Variants in ARHGAP8 observed in about 807,000 individuals in gnomAD.
The protein encoded by ARHGAP8 is Rho GTPase activating protein 8.
Under a neutral mutation model 46.1 loss-of-function variants are expected in ARHGAP8, and 62 were observed. The ratio of observed to expected loss-of-function variants is 1.34; its 90% CI spans 1.10 to 1.66. The LOEUF (loss-of-function observed/expected upper bound fraction) is 1.66. Among genes scored for constraint, ARHGAP8 ranks in the 40% most tolerant of loss-of-function variants. ARHGAP8 has a pLI of 0.00. For synonymous variants in ARHGAP8, 375 were observed against 243.1 expected (o/e 1.54, Z -5.05); for missense variants, 923 against 568.4 (o/e 1.62, Z -6.34).
chr22:44,804,412 G>T (rs1031444796), intron 3 of ARHGAP8, among the ~76,000 whole-genome samples: 1 of 152,216 alleles, frequency 6.6e-6, no homozygotes, highest in African/African-American at 2.4e-5. Context: ...CAGGGGAGAA[G>T]CTCAGTCTTA....
At chr22:44,846,935 G>A (rs1253212571) in intron 8 of ARHGAP8, among the ~76,000 whole-genome samples, 1 of 152,202 alleles carries the variant, frequency 6.6e-6, no homozygotes, top group Non-Finnish European at 1.5e-5. Context: ...TGAGCTCTGA[G>A]GACGGGGAGA....
At chr22:44,859,574 C>T in intron 10 of ARHGAP8, 157 bp from the exon 11 acceptor site, 9 of 706,158 alleles carry the variant, frequency 1.3e-5, no homozygotes, top group Non-Finnish European at 1.7e-5. Context: ...CTGAGCAGAG[C>T]CATACGGCCA....
intron 10 of ARHGAP8, among the ~76,000 whole-genome samples, chr22:44,859,187 A>G (rs1263199993): frequency 6.6e-6 from 1 of 152,110 alleles, no homozygotes; most frequent in Non-Finnish European, 1.5e-5. Context: ...TCAGGTGATG[A>G]TAGGGCTTGG....
chr22:44,808,631 T>C (rs773827284), intron 4 of ARHGAP8, 193 bp downstream of exon 4: 4 of 1,069,218 alleles, frequency 3.7e-6, no homozygotes, highest in East Asian at 5.3e-5. Context: ...CGGGCAGGGG[T>C]TGGCACTCAT....
chr22:44,851,565 C>G (rs2070094859), intron 10 of ARHGAP8, among the ~76,000 whole-genome samples: 1 of 152,170 alleles, frequency 6.6e-6, no homozygotes, highest in Non-Finnish European at 1.5e-5. Flanking sequence ...TGGCTCATGC[C>G]TGTAATCCCA....
intron 4 of ARHGAP8, among the ~76,000 whole-genome samples, chr22:44,810,400 C>G (rs1361402216): frequency 6.6e-6 from 1 of 152,158 alleles, no homozygotes; most frequent in East Asian, 1.9e-4. Flanking sequence ...AGCCACCATG[C>G]CCGGCTAATT....
intron 1 of ARHGAP8, among the ~76,000 whole-genome samples, chr22:44,763,804 T>A (rs1245016100): frequency 9.0e-5 from 7 of 77,862 alleles, no homozygotes; most frequent in Admixed American, 1.4e-4. Context: ...TTTCTTTTCT[T>A]TTTTTTTTTT....
intron 2 of ARHGAP8, among the ~76,000 whole-genome samples, chr22:44,796,499 T>C (rs1928095562): frequency 6.6e-6 from 1 of 151,902 alleles, no homozygotes; most frequent in South Asian, 2.1e-4. Context: ...CTCTAAGACC[T>C]CCAGGAAGGG....
intron 3 of ARHGAP8, among the ~76,000 whole-genome samples, chr22:44,805,049 C>A (rs1374030286): frequency 6.6e-6 from 1 of 152,190 alleles, no homozygotes; most frequent in Admixed American, 6.5e-5. Flanking sequence ...GCCTGCAGCC[C>A]ACTCTTGGTG....
rs57906111 is a variant in ARHGAP8, at chr22:44,829,118, CAAAAAAAAA to C, written c.596+3543_596+3551del. ...TGAAACCCTATCTCTACTAAAAATA[CAAAAAAAAA>C]AAAAAAAAAAAAAAAAAGTTGGGCA... is the stretch of plus-strand genomic sequence containing the variant. On this transcript the variant is annotated intron_variant, in intron 7 of 11. Transcript: ENST00000356099. 2.6e-4 allele frequency among the ~76,000 whole-genome samples: 13 copies of C among 49,376 alleles called. No homozygotes were observed. The South Asian group carries it at 6.2e-3, about 24-fold the overall frequency. The allele number at this position is 49,376 out of a possible 152,430, so 32.4% of individuals were successfully genotyped here.
chr22:44,859,527 C>A (rs1302345536), intron 10 of ARHGAP8: 4 of 595,790 alleles, frequency 6.7e-6, no homozygotes, highest in African/African-American at 3.7e-5. Flanking sequence ...TTATAAATAA[C>A]CCCATCTCAG....
At chr22:44,760,778 C>T (rs1364243100) in intron 1 of ARHGAP8, among the ~76,000 whole-genome samples, 2 of 152,202 alleles carry the variant, frequency 1.3e-5, no homozygotes, top group Non-Finnish European at 2.9e-5. Flanking sequence ...CTTTGCATAA[C>T]ATCCACTCTG....
At chr22:44,834,102 T>A (rs1227940563) in intron 7 of ARHGAP8, among the ~76,000 whole-genome samples, 2 of 152,178 alleles carry the variant, frequency 1.3e-5, no homozygotes, top group Non-Finnish European at 2.9e-5. Context: ...GAGTCAACTT[T>A]TGGTTTTGAT....
intron 10 of ARHGAP8, among the ~76,000 whole-genome samples, chr22:44,851,920 G>C (rs1434683811): frequency 2.0e-5 from 3 of 152,086 alleles, no homozygotes; most frequent in African/African-American, 7.2e-5. Flanking sequence ...GCCGGGTGCA[G>C]TGGCTCACTC....
At chr22:44,781,989 C>A (rs1046015943) in intron 1 of ARHGAP8, among the ~76,000 whole-genome samples, 1 of 152,110 alleles carries the variant, frequency 6.6e-6, no homozygotes, top group African/African-American at 2.4e-5. Context: ...CATGCACCAC[C>A]GTGTCTAGCC....
At chr22:44,808,064 G>A (rs983403788) in intron 3 of ARHGAP8, among the ~76,000 whole-genome samples, 2 of 152,138 alleles carry the variant, frequency 1.3e-5, no homozygotes, top group African/African-American at 2.4e-5. Context: ...GTCTTTCCAC[G>A]GGCAACAATC....
chr22:44,775,497 G>T (rs1316152966), intron 1 of ARHGAP8, among the ~76,000 whole-genome samples: 1 of 151,900 alleles, frequency 6.6e-6, no homozygotes, highest in Non-Finnish European at 1.5e-5. Flanking sequence ...GCCCAGGCTG[G>T]AGTGCAATGG....
intron 2 of ARHGAP8, among the ~76,000 whole-genome samples, chr22:44,787,685 A>T (rs985663147): frequency 6.6e-6 from 1 of 152,022 alleles, no homozygotes; most frequent in African/African-American, 2.4e-5. Flanking sequence ...CATTTCTCCC[A>T]TGGGCAGTGA....
intron 2 of ARHGAP8, among the ~76,000 whole-genome samples, chr22:44,795,593 C>A (rs1416287474): frequency 6.6e-6 from 1 of 152,136 alleles, no homozygotes; most frequent in Non-Finnish European, 1.5e-5. Context: ...ACGAGCCCTC[C>A]CCTCCCCACC....
Sources: gnomAD v4.1 joint callset for allele counts (sites outside exome capture counted in the v4.1 genomes callset) on GRCh38, gnomAD v4.1.1 for gene constraint, MANE v1.5 for transcripts, NCBI Gene and HGNC (gene_info 2026-07-23, HGNC 2026-07-21) for gene names.